The following TGFBRAP1 variants were observed in gnomAD, a reference collection of about 807,000 sequenced individuals.
TGFBRAP1 encodes the protein transforming growth factor beta receptor associated protein 1, also known as transforming growth factor-beta receptor-associated protein 1.
TGFBRAP1 carries 20 observed loss-of-function variants against 83.2 expected under a neutral mutation model. The observed-to-expected ratio is 0.24, with a 90% CI of 0.17 to 0.35. The LOEUF is 0.35. Ranked by LOEUF, TGFBRAP1 falls within the 10% of genes least tolerant of loss-of-function variation. The probability of loss-of-function intolerance (pLI) is 1.00; values close to 1 mark genes in which losing one functional copy is unlikely to be tolerated. For synonymous variants in TGFBRAP1, 415 were observed against 459.8 expected (o/e 0.90, Z 1.25); for missense variants, 950 against 1,099.4 (o/e 0.86, Z 1.92).
At chr2:105,250,192 G>A in the TGFBRAP1 span, among the ~76,000 whole-genome samples, 1 of 152,290 alleles carries the variant, frequency 6.6e-6, no homozygotes, top group South Asian at 2.1e-4. Flanking sequence ...ACTTATCTGT[G>A]TGAGAAACAC....
chr2:105,266,970 T>C lies in TGFBRAP1; in HGVS notation c.*413A>G, dbSNP rs1319807735. The C allele has an allele frequency of 3.1e-5, 5 of 162,656 alleles. No individual in the cohort carries two copies. The highest frequency in any genetic ancestry group is 5.4e-5 in the Non-Finnish European group (4 of 74,662). 10.1% of individuals were successfully genotyped at this position (162,656 alleles called of 1,614,324 possible). ...CAAGAGAGGACTTTGTCGCCAGCCA[T>C]GGTGAAGCCACGTTTCCAGTGCAAA... On this transcript the variant is annotated 3_prime_UTR_variant, in exon 12 of 12. Transcript: ENST00000393359.
chr2:105,280,326 C>T, intron 6 of TGFBRAP1, 56 bp downstream of exon 6: 1 of 1,551,040 alleles, frequency 6.4e-7, no homozygotes. Flanking sequence ...CAGCAAAGAG[C>T]CTCAGTAAGG....
At chr2:105,271,132 C>T (rs1271688926) in intron 10 of TGFBRAP1, among the ~76,000 whole-genome samples, 2 of 152,216 alleles carry the variant, frequency 1.3e-5, no homozygotes, top group African/African-American at 4.8e-5. Flanking sequence ...ACCCCTCCAC[C>T]CCAAGGCACA....
the TGFBRAP1 span, among the ~76,000 whole-genome samples, chr2:105,259,387 A>G: frequency 6.6e-6 from 1 of 152,198 alleles, no homozygotes; most frequent in Non-Finnish European, 1.5e-5. Flanking sequence ...CCCTCCCAGG[A>G]AAGTGAGGAT....
chr2:105,306,648 A>G (rs1195457043), intron 2 of TGFBRAP1, among the ~76,000 whole-genome samples: 1 of 151,882 alleles, frequency 6.6e-6, no homozygotes, highest in Non-Finnish European at 1.5e-5. Context: ...AAATACAAAA[A>G]TTAGCCAGGC....
Position 105,266,625 on chromosome 2 carries a change from G to A in TGFBRAP1, c.*758C>T, listed in dbSNP as rs961316865. On this transcript the variant is annotated 3_prime_UTR_variant, in exon 12 of 12. Transcript: ENST00000393359. ...CCCGTGTCCGCGGCTTCTTCAAGGA[G>A]GGGAGAGCAGCTTCTCTCTTGGAGC... 6.6e-6 allele frequency: 1 copy of A among 152,256 alleles called. No individual in the cohort carries two copies. Among genetic ancestry groups the A allele is most frequent in the African/African-American group, 2.4e-5 (1 of 41,468 alleles). 9.4% of individuals were successfully genotyped at this position (152,256 alleles called of 1,614,324 possible). A position where few individuals can be genotyped will look rare whatever the true frequency, so the allele number is the denominator to read the frequency against.
rs1205457206 is a variant in TGFBRAP1, at chr2:105,269,834, T to C, written c.1973-129A>G. ...CTGGCTCCCTCACAATGCCAAATGC[T>C]GCCACCCAGATGACTGAGGGTAGGT... On this transcript the variant is annotated intron_variant, in intron 10 of 11. Coordinates refer to ENST00000393359, the MANE Select transcript of TGFBRAP1 (RefSeq NM_004257.6). The surrounding 1 kb of genome is among the most constrained non-coding windows in gnomAD (Gnocchi z 4.1). 1 of 1,013,484 alleles carries C rather than the reference T, an allele frequency of 9.9e-7. No homozygotes were observed. Among genetic ancestry groups the C allele is most frequent in the Non-Finnish European group, 1.4e-6 (1 of 726,772 alleles). The allele number at this position is 1,013,484 out of a possible 1,614,324, so 62.8% of individuals were successfully genotyped here.
chr2:105,286,175 G>C (rs540302940), intron 4 of TGFBRAP1, among the ~76,000 whole-genome samples: 1 of 152,202 alleles, frequency 6.6e-6, no homozygotes, highest in Non-Finnish European at 1.5e-5. Flanking sequence ...AGAATAAGGG[G>C]TTATTTTCTA....
chr2:105,325,128 T>C (rs1296653322), intron 1 of TGFBRAP1: 2 of 152,244 alleles, frequency 1.3e-5, no homozygotes, highest in Non-Finnish European at 2.9e-5. Context: ...TGCTGGTAAG[T>C]AGAGAGCTGG....
At chr2:105,284,247 C>T in intron 5 of TGFBRAP1, 69 bp downstream of exon 5, 2 of 1,482,680 alleles carry the variant, frequency 1.3e-6, no homozygotes, top group Non-Finnish European at 1.9e-6. Flanking sequence ...CGACGTCACA[C>T]CAGAAACGCA....
intron 4 of TGFBRAP1, among the ~76,000 whole-genome samples, chr2:105,295,735 C>T (rs369796453): frequency 1.1e-4 from 16 of 143,736 alleles, no homozygotes; most frequent in East Asian, 8.8e-4. Context: ...CGCTTGAACT[C>T]GGGAGGCAGA....
At chr2:105,250,577 T>C in the TGFBRAP1 span, among the ~76,000 whole-genome samples, 1 of 89,746 alleles carries the variant, frequency 1.1e-5, no homozygotes, top group Non-Finnish European at 2.0e-5. Flanking sequence ...CTCCTCTCCC[T>C]CTCCCTCCTC....
chr2:105,279,526 G>T (rs1677457666), intron 6 of TGFBRAP1, among the ~76,000 whole-genome samples: 1 of 151,944 alleles, frequency 6.6e-6, no homozygotes, highest in East Asian at 1.9e-4. Flanking sequence ...TTCCCAAAAT[G>T]CTGGGATTAC....
chr2:105,253,508 T>C, the TGFBRAP1 span, among the ~76,000 whole-genome samples: 1 of 152,156 alleles, frequency 6.6e-6, no homozygotes, highest in Non-Finnish European at 1.5e-5. Flanking sequence ...CATAGATTAC[T>C]GCAGCCTTAA....
chr2:105,287,959 C>T (rs554320780), intron 4 of TGFBRAP1, among the ~76,000 whole-genome samples: 2 of 152,208 alleles, frequency 1.3e-5, no homozygotes, highest in East Asian at 3.9e-4. Flanking sequence ...AAGCCAGTTC[C>T]TCAAACATGG....
At chr2:105,312,019 G>A (rs1678711280) in intron 1 of TGFBRAP1, among the ~76,000 whole-genome samples, 1 of 152,014 alleles carries the variant, frequency 6.6e-6, no homozygotes, top group African/African-American at 2.4e-5. Context: ...ATCATAAAAA[G>A]ATAAACTTTA....
chr2:105,301,580 C>T (rs1207679991), intron 2 of TGFBRAP1, among the ~76,000 whole-genome samples: 1 of 151,346 alleles, frequency 6.6e-6, no homozygotes, highest in East Asian at 1.9e-4. Flanking sequence ...GAGCTAGACT[C>T]TCTCAAAAAA....
At chr2:105,327,291 CA>C (rs1475076950) in intron 1 of TGFBRAP1, 3 of 152,050 alleles carry the variant, frequency 2.0e-5, no homozygotes, top group African/African-American at 7.3e-5. Flanking sequence ...TGGCTGGGCG[CA>C]GCGGCTCAGG....
intron 2 of TGFBRAP1, among the ~76,000 whole-genome samples, chr2:105,302,775 CA>C (rs1226483090): frequency 6.6e-6 from 1 of 152,094 alleles, no homozygotes; most frequent in African/African-American, 2.4e-5. Context: ...AAAAACACAC[CA>C]AAGCAACTTC....
Sources: allele counts gnomAD v4.1 joint callset (sites outside exome capture counted in the v4.1 genomes callset), GRCh38; gene constraint gnomAD v4.1.1; non-coding constraint Gnocchi (gnomAD v3.1); transcripts MANE v1.5; gene names NCBI Gene and HGNC (gene_info 2026-07-23, HGNC 2026-07-21).